Variants in ATP2B4 observed in about 807,000 individuals in gnomAD.
ATP2B4 encodes ATPase plasma membrane Ca2+ transporting 4.
ATP2B4 carries 39 observed loss-of-function variants against 110.3 expected under a neutral mutation model. The ratio of observed to expected loss-of-function variants is 0.35; its 90% CI spans 0.27 to 0.46. The LOEUF is 0.46. Among genes scored for constraint, ATP2B4 ranks in the 20% least tolerant of loss-of-function variants. The probability of loss-of-function intolerance (pLI) is 1.00; values close to 1 mark genes in which losing one functional copy is unlikely to be tolerated. For missense variants in ATP2B4, 1,135 were observed against 1,530.9 expected (o/e 0.74, Z 4.32); for synonymous variants, 538 against 571.7 (o/e 0.94, Z 0.84).
At chr1:203,723,258 CTT>C (rs538318448) in intron 18 of ATP2B4, among the ~76,000 whole-genome samples, 25 of 138,550 alleles carry the variant, frequency 1.8e-4, no homozygotes, top group Admixed American at 2.2e-4. Context: ...TCCTCAATTC[CTT>C]TTTTTTTTTT....
intron 1 of ATP2B4, among the ~76,000 whole-genome samples, chr1:203,654,873 T>A (rs1571685991): frequency 7.4e-6 from 1 of 134,278 alleles, no homozygotes. Flanking sequence ...GGTGACAGAG[T>A]GAGACCTCGT....
intron 1 of ATP2B4, among the ~76,000 whole-genome samples, chr1:203,656,717 C>T (rs952048832): frequency 2.6e-5 from 4 of 152,150 alleles, no homozygotes; most frequent in South Asian, 2.1e-4. Context: ...TGAATACCCA[C>T]GCATAAATGC....
At chr1:203,668,115 G>C (rs1558024348) in intron 1 of ATP2B4, among the ~76,000 whole-genome samples, 1 of 152,176 alleles carries the variant, frequency 6.6e-6, no homozygotes, top group Non-Finnish European at 1.5e-5. Context: ...CTGTCACCAG[G>C]GGTTGGATTT....
At chr1:203,714,843 C>T (rs983083613) in intron 15 of ATP2B4, among the ~76,000 whole-genome samples, 1 of 152,146 alleles carries the variant, frequency 6.6e-6, no homozygotes, top group Non-Finnish European at 1.5e-5. Context: ...GATTATAAGC[C>T]TCCCATACAG....
chr1:203,657,169 G>T, intron 1 of ATP2B4: 1 of 815,048 alleles, frequency 1.2e-6, no homozygotes, highest in South Asian at 1.4e-5. Flanking sequence ...AAGTATTGGT[G>T]GGCAAAAGGT....
At position 203,736,476 on chromosome 1, in the gene ATP2B4, A is replaced by ACCCC. The variant is rs1558059190; in HGVS notation, c.3310-3070_3310-3069insCCCC. Among the ~76,000 whole-genome samples the ACCCC allele has an allele frequency of 2.1e-3, 311 of 151,478 alleles. 1 individual carries two copies. The highest frequency in any genetic ancestry group is 6.5e-3 in the African/African-American group (267 of 41,390). On this transcript the variant is annotated intron_variant, in intron 20 of 20. Coordinates refer to ENST00000357681, the MANE Select transcript of ATP2B4 (RefSeq NM_001684.5). ...AGAGTGAAACTCCATCCCCCCCAAAAAAAAAAAAGCAGAAAACTACAGAAT... is the reference window on the plus strand; with the variant it reads ...AGAGTGAAACTCCATCCCCCCCAAAACCCCAAAAAAAAGCAGAAAACTACAGAAT...
intron 2 of ATP2B4, among the ~76,000 whole-genome samples, chr1:203,693,250 G>A (rs1344164943): frequency 6.6e-6 from 1 of 152,104 alleles, no homozygotes; most frequent in Non-Finnish European, 1.5e-5. Context: ...AGAAAGAATT[G>A]GAATGGAAAG....
At position 203,710,955 on chromosome 1, in the gene ATP2B4, C is replaced by A; in HGVS notation, c.1878C>A (p.Val626=). 6.2e-7 allele frequency: 1 copy of A among 1,614,102 alleles called. No individual in the cohort carries two copies. The highest frequency in any genetic ancestry group is 1.1e-5 in the South Asian group (1 of 91,056). The part of the protein sequence containing the change: ...NKDRDDMVRT[V]IEPMACDGLR... The stretch of plus-strand genomic sequence containing the variant: ...ACAGAGATGATATGGTACGCACTGT[C>A]ATCGAGCCCATGGCCTGTGATGGAC... The change falls in exon 12 of 21, where the codon GTC becomes GTA. Residue 626 remains valine (V), a synonymous_variant. Coordinates refer to ENST00000357681, the MANE Select transcript of ATP2B4 (RefSeq NM_001684.5).
At chr1:203,735,631 T>A (rs1164434770) in intron 20 of ATP2B4, among the ~76,000 whole-genome samples, 1 of 152,126 alleles carries the variant, frequency 6.6e-6, no homozygotes, top group Non-Finnish European at 1.5e-5. Flanking sequence ...ATGTGAGGAA[T>A]GGGGGTGGAA....
At chr1:203,655,892 T>C (rs984583309) in intron 1 of ATP2B4, among the ~76,000 whole-genome samples, 2 of 152,016 alleles carry the variant, frequency 1.3e-5, no homozygotes, top group African/African-American at 4.8e-5. Context: ...CAGATGATCA[T>C]TAGCGTTGTG....
At chr1:203,680,623 A>AAG (rs1553247039) in intron 1 of ATP2B4, among the ~76,000 whole-genome samples, 1 of 150,188 alleles carries the variant, frequency 6.7e-6, no homozygotes, top group African/African-American at 2.4e-5. Context: ...AAAAAAGAAA[A>AAG]AAAAGATCAA....
At chr1:203,681,504 C>A (rs1353256669) in intron 1 of ATP2B4, among the ~76,000 whole-genome samples, 1 of 152,084 alleles carries the variant, frequency 6.6e-6, no homozygotes, top group Non-Finnish European at 1.5e-5. Context: ...GGGCTGGGGT[C>A]CCATGTTCTG....
At chr1:203,733,860 G>A (rs1666805211) in intron 20 of ATP2B4, among the ~76,000 whole-genome samples, 1 of 152,136 alleles carries the variant, frequency 6.6e-6, no homozygotes, top group Admixed American at 6.6e-5. Context: ...GGCAAAGTTT[G>A]GGATCTTTTG....
In ATP2B4 at chr1:203,712,158, G is replaced by A. The variant is rs963856614; in HGVS notation, c.2211+19G>A. The A allele has an allele frequency of 1.9e-6, 3 of 1,610,874 alleles. No individual in the cohort carries two copies. Among genetic ancestry groups the A allele is most frequent in the Non-Finnish European group, 2.5e-6 (3 of 1,178,420 alleles). ...AGGCGAGGTGGGTCCTGGCTAGGGG[G>A]AACCAGGACCTCACCTGACAAGGAA... On this transcript the variant is annotated intron_variant, in intron 13 of 20. Coordinates refer to ENST00000357681, the MANE Select transcript of ATP2B4 (RefSeq NM_001684.5).
rs1404762711 is a variant in ATP2B4, at chr1:203,743,334, A to G, written c.*3480A>G. The G allele has an allele frequency of 6.6e-6, 1 of 152,614 alleles. No homozygotes were observed. Among genetic ancestry groups the G allele is most frequent in the Admixed American group, 6.6e-5 (1 of 15,260 alleles). The allele number at this position is 152,614 out of a possible 1,614,324, so 9.5% of individuals were successfully genotyped here. A position where few individuals can be genotyped will look rare whatever the true frequency, so the allele number is the denominator to read the frequency against. On this transcript the variant is annotated 3_prime_UTR_variant, in exon 21 of 21. Transcript: ENST00000357681. ...CTTTCATATCTAGGGACCACCCCCG[A>G]TGCATTGGTGAGGGTGGGCACTTAT...
intron 10 of ATP2B4, 88 bp from the exon 11 acceptor site, chr1:203,709,213 A>C: frequency 6.5e-7 from 1 of 1,538,834 alleles, no homozygotes; most frequent in Non-Finnish European, 8.9e-7. Flanking sequence ...TATAATGTGA[A>C]GGCTTTGTAA....
intron 1 of ATP2B4, among the ~76,000 whole-genome samples, chr1:203,666,915 G>A (rs1414850357): frequency 2.0e-5 from 3 of 152,174 alleles, no homozygotes; most frequent in Non-Finnish European, 4.4e-5. Context: ...TCAGTGCTGT[G>A]TACTCACAAT....
At chr1:203,648,025 G>A (rs566715850) in intron 1 of ATP2B4, among the ~76,000 whole-genome samples, 1 of 152,254 alleles carries the variant, frequency 6.6e-6, no homozygotes, top group East Asian at 1.9e-4. Context: ...ATGTAAAGTG[G>A]CTTTTACACA....
intron 1 of ATP2B4, among the ~76,000 whole-genome samples, chr1:203,638,112 T>C (rs902834243): frequency 6.6e-6 from 1 of 151,716 alleles, no homozygotes; most frequent in African/African-American, 2.4e-5. Context: ...AAGGACAGAT[T>C]TGATGGAGGA....
Sources: allele counts gnomAD v4.1 joint callset (sites outside exome capture counted in the v4.1 genomes callset), GRCh38; gene constraint gnomAD v4.1.1; transcripts MANE v1.5; gene names NCBI Gene and HGNC (gene_info 2026-07-23, HGNC 2026-07-21).